IGF2BP2: variants seen among roughly 807,000 people sequenced by gnomAD.
IGF2BP2 encodes insulin like growth factor 2 mRNA binding protein 2, also known as insulin-like growth factor 2 mRNA-binding protein 2.
In IGF2BP2, 17 loss-of-function variants were observed where a neutral mutation model predicts 75.8. The observed-to-expected ratio is 0.22, with a 90% CI of 0.15 to 0.34. IGF2BP2 has a LOEUF of 0.34. IGF2BP2 is among the 10% of genes least tolerant of loss of function. The probability of loss-of-function intolerance (pLI) is 1.00; values close to 1 mark genes in which losing one functional copy is unlikely to be tolerated. For missense variants in IGF2BP2, 516 were observed against 772.4 expected (o/e 0.67, Z 3.93); for synonymous variants, 288 against 295.6 (o/e 0.97, Z 0.26).
chr3:185,689,653 T>C, intron 5 of IGF2BP2, 26 bp from the exon 6 acceptor site: 1 of 1,613,782 alleles, frequency 6.2e-7, no homozygotes, highest in Non-Finnish European at 8.5e-7. Flanking sequence ...ACAGGGGAGC[T>C]TCGTCAGAAA....
Position 185,649,541 on chromosome 3 carries a change from G to A in IGF2BP2, c.1462-7C>T, listed in dbSNP as rs769555482. The A allele has an allele frequency of 6.2e-7, 1 of 1,614,038 alleles. No individual in the cohort carries two copies. Among genetic ancestry groups the A allele is most frequent in the Non-Finnish European group, 8.5e-7 (1 of 1,179,952 alleles). ...CAAAGATCCGTCCCTGGGCCTGAGA[G>A]AGCAAGACATGACTAATGACTCTCA... On this transcript the variant is annotated splice_polypyrimidine_tract_variant and splice_region_variant and intron_variant, in intron 13 of 15. Transcript: ENST00000382199.
At chr3:185,698,458 C>T (rs770358656) in intron 2 of IGF2BP2, 111 bp from the exon 3 acceptor site, 8 of 947,334 alleles carry the variant, frequency 8.4e-6, no homozygotes, top group Non-Finnish European at 9.8e-6. Context: ...ACTGTGTTCA[C>T]CATGGCATCA....
At chr3:185,721,014 C>A (rs1428251224) in intron 2 of IGF2BP2, among the ~76,000 whole-genome samples, 1 of 152,120 alleles carries the variant, frequency 6.6e-6, no homozygotes, top group African/African-American at 2.4e-5. Context: ...CACGCTTGCA[C>A]ACATGTGAGT....
At position 185,651,255 on chromosome 3, in the gene IGF2BP2, G is replaced by A. The variant is rs1714551936; in HGVS notation, c.1461+839C>T. Among the ~76,000 whole-genome samples, 5 of 152,270 alleles carry A rather than the reference G, an allele frequency of 3.3e-5. No individual in the cohort carries two copies. In the South Asian group the frequency reaches 8.3e-4, roughly 25 times the overall value. Reference sequence around the variant, plus strand: ...TTGACTTCTTTTACTTCGTGTGATGGTCACCCATGTTGCACCATGCATCAG... The same window carrying A: ...TTGACTTCTTTTACTTCGTGTGATGATCACCCATGTTGCACCATGCATCAG... On this transcript the variant is annotated intron_variant, in intron 13 of 15. Transcript: ENST00000382199.
At chr3:185,803,825 TATTTAAAC>T (rs2149960622) in intron 2 of IGF2BP2, among the ~76,000 whole-genome samples, 1 of 152,306 alleles carries the variant, frequency 6.6e-6, no homozygotes, top group East Asian at 1.9e-4. Flanking sequence ...GGAAATAAGC[TATTTAAAC>T]ACATTTCAGG....
intron 10 of IGF2BP2, among the ~76,000 whole-genome samples, chr3:185,670,493 G>A (rs1320914457): frequency 6.6e-6 from 1 of 152,142 alleles, no homozygotes; most frequent in Non-Finnish European, 1.5e-5. Flanking sequence ...CTTTATTAAT[G>A]AAAATAAATG....
chr3:185,708,780 CA>C (rs1724404940), intron 2 of IGF2BP2, among the ~76,000 whole-genome samples: 1 of 152,114 alleles, frequency 6.6e-6, no homozygotes, highest in South Asian at 2.1e-4. Context: ...ACAAAGTCCT[CA>C]GAAGAGCAAG....
chr3:185,716,472 T>G, intron 2 of IGF2BP2: 1 of 519,904 alleles, frequency 1.9e-6, no homozygotes, highest in East Asian at 5.4e-5. Context: ...AGGTCTCTTC[T>G]TATGTCTCTG....
At chr3:185,679,616 C>T (rs1720076788) in intron 7 of IGF2BP2, among the ~76,000 whole-genome samples, 2 of 151,408 alleles carry the variant, frequency 1.3e-5, no homozygotes, top group South Asian at 2.1e-4. Flanking sequence ...AACGTTTTTT[C>T]GTTTTCTTTC....
intron 10 of IGF2BP2, among the ~76,000 whole-genome samples, chr3:185,667,054 TAGACAG>T (rs1455037525): frequency 1.3e-5 from 2 of 152,176 alleles, no homozygotes; most frequent in Non-Finnish European, 2.9e-5. Flanking sequence ...ATCTGCTGTG[TAGACAG>T]AGACAAACGG....
At chr3:185,653,881 G>C (rs1468343678) in intron 12 of IGF2BP2, among the ~76,000 whole-genome samples, 1 of 152,148 alleles carries the variant, frequency 6.6e-6, no homozygotes, top group Non-Finnish European at 1.5e-5. Context: ...TAGTGAAATG[G>C]GATTTACCCT....
At chr3:185,824,492 G>A (rs1038813773) in intron 1 of IGF2BP2, among the ~76,000 whole-genome samples, 1 of 151,706 alleles carries the variant, frequency 6.6e-6, no homozygotes, top group South Asian at 2.1e-4. Flanking sequence ...CCAGGCGAAC[G>A]AGGGGTGCCC....
chr3:185,675,759 T>C (rs781029691), intron 8 of IGF2BP2, 32 bp downstream of exon 8: 9 of 1,607,642 alleles, frequency 5.6e-6, no homozygotes, highest in Admixed American at 1.7e-5. Context: ...TGTTCCATTA[T>C]TGGGCATGAG....
intron 2 of IGF2BP2, among the ~76,000 whole-genome samples, chr3:185,708,588 G>A (rs1008997308): frequency 2.0e-5 from 3 of 152,022 alleles, no homozygotes; most frequent in African/African-American, 4.8e-5. Flanking sequence ...CCTGGCGCAC[G>A]GCGGGGTGCA....
In IGF2BP2 at chr3:185,793,551, G is replaced by A. The variant is rs1276995770; in HGVS notation, c.239+29602C>T. 2.6e-5 allele frequency among the ~76,000 whole-genome samples: 4 copies of A among 152,052 alleles called. No individual in the cohort carries two copies. In the East Asian group the frequency reaches 7.7e-4, roughly 29 times the overall value. ...ACATGAGCCTACATGAAACCTCAGGGGACAGATTAACTTGGTACCAAATTA... is the reference window on the plus strand; with the variant it reads ...ACATGAGCCTACATGAAACCTCAGGAGACAGATTAACTTGGTACCAAATTA... On this transcript the variant is annotated intron_variant, in intron 2 of 15. Coordinates refer to ENST00000382199, the MANE Select transcript of IGF2BP2 (RefSeq NM_006548.6).
At chr3:185,753,946 G>A (rs1430209991) in intron 2 of IGF2BP2, among the ~76,000 whole-genome samples, 30 of 152,066 alleles carry the variant, frequency 2.0e-4, no homozygotes, top group Non-Finnish European at 1.5e-5. Context: ...GCTCACACCT[G>A]TAATCCCAGC....
chr3:185,729,339 GCT>G (rs758859623), intron 2 of IGF2BP2, among the ~76,000 whole-genome samples: 96 of 152,120 alleles, frequency 6.3e-4, no homozygotes, highest in Non-Finnish European at 1.0e-3. Context: ...GATCTGGGTA[GCT>G]CTCACACATT....
In IGF2BP2 at chr3:185,647,920, TGGTTCTGAAATAGCTAAACA is replaced by T. The variant is rs1388942464; in HGVS notation, c.1594-802_1594-783del. On this transcript the variant is annotated intron_variant, in intron 14 of 15. Coordinates refer to ENST00000382199, the MANE Select transcript of IGF2BP2 (RefSeq NM_006548.6). This position sits in a 1 kb window ranked among gnomAD's most constrained non-coding sequence, Gnocchi z 4.9. The stretch of plus-strand genomic sequence containing the variant: ...TGGAGGATGCAGAGAATTCAGTGAC[TGGTTCTGAAATAGCTAAACA>T]GGACACCCAGGGGCTCAGGATTCTA... Among the ~76,000 whole-genome samples, 2 of 152,218 alleles carry T rather than the reference TGGTTCTGAAATAGCTAAACA, an allele frequency of 1.3e-5. No homozygotes were observed. Among genetic ancestry groups the T allele is most frequent in the African/African-American group, 4.8e-5 (2 of 41,448 alleles).
chr3:185,722,425 C>G (rs932359823), intron 2 of IGF2BP2: 1 of 336,392 alleles, frequency 3.0e-6, no homozygotes, highest in East Asian at 1.1e-4. Context: ...TCTACTTCCT[C>G]CACCAGCCAA....
Sources: gnomAD v4.1 joint callset for allele counts (sites outside exome capture counted in the v4.1 genomes callset) on GRCh38, gnomAD v4.1.1 for gene constraint, Gnocchi (gnomAD v3.1) non-coding constraint, MANE v1.5 for transcripts, NCBI Gene and HGNC (gene_info 2026-07-23, HGNC 2026-07-21) for gene names.